STAT1: variants seen among roughly 807,000 people sequenced by gnomAD.
STAT1 encodes signal transducer and activator of transcription 1-alpha/beta.
A neutral mutation model predicts 111.7 loss-of-function variants in STAT1; 24 were observed. That is an observed-to-expected ratio of 0.21 (90% CI 0.16 to 0.30). The LOEUF (loss-of-function observed/expected upper bound fraction) is 0.30. STAT1 is among the 10% of genes least tolerant of loss of function. The probability of loss-of-function intolerance (pLI) is 1.00; values close to 1 mark genes in which losing one functional copy is unlikely to be tolerated. For synonymous variants in STAT1, 332 were observed against 326.5 expected (o/e 1.02, Z -0.18); for missense variants, 351 against 911.9 (o/e 0.38, Z 7.92).
At chr2:191,011,787 T>C (rs1695142882) in intron 2 of STAT1, among the ~76,000 whole-genome samples, 2 of 152,150 alleles carry the variant, frequency 1.3e-5, no homozygotes, top group Non-Finnish European at 2.9e-5. Context: ...CGTGAAGAGA[T>C]GCCTTCTGCC....
rs1694033766 is a variant in STAT1 at position 190,998,682 on chromosome 2, A to AAAAAAAAAAC, written c.542-384_542-375dup. Among the ~76,000 whole-genome samples the AAAAAAAAAAC allele has an allele frequency of 7.0e-6, 1 of 143,006 alleles. No individual in the cohort carries two copies. The highest frequency in any genetic ancestry group is 2.5e-5 in the African/African-American group (1 of 39,670). The allele number at this position is 143,006 out of a possible 152,430, so 93.8% of individuals were successfully genotyped here. Reference sequence around the variant, plus strand: ...GTCTCCAAAAAAAAACAAAAAAAACAAAAAAAAAACAAAAAAAACTTGTTT... The same window carrying AAAAAAAAAAC: ...GTCTCCAAAAAAAAACAAAAAAAACAAAAAAAAAACAAAAAAAAACAAAAAAAACTTGTTT... On this transcript the variant is annotated intron_variant, in intron 7 of 24. Transcript: ENST00000361099. The surrounding 1 kb of genome is among the most constrained non-coding windows in gnomAD (Gnocchi z 4.1).
rs1693125529 is a variant in STAT1 at position 190,989,267 on chromosome 2, T to C, written c.1097+348A>G. On this transcript the variant is annotated intron_variant, in intron 12 of 24. Transcript: ENST00000361099. This position sits in a 1 kb window ranked among gnomAD's most constrained non-coding sequence, Gnocchi z 5.0. Reference sequence around the variant, plus strand: ...GAGACTTGCTGATTACAATCTCATATGCACAAAGAGACACTCACTCTTTTG... The same window carrying C: ...GAGACTTGCTGATTACAATCTCATACGCACAAAGAGACACTCACTCTTTTG... 6.6e-6 allele frequency among the ~76,000 whole-genome samples: 1 copy of C among 152,232 alleles called. No individual in the cohort carries two copies. The highest frequency in any genetic ancestry group is 1.5e-5 in the Non-Finnish European group (1 of 68,042).
rs1182455160 is a variant in STAT1, at chr2:190,977,133, C to T, written c.1874-108G>A. On this transcript the variant is annotated intron_variant, in intron 21 of 24. Coordinates refer to ENST00000361099, the MANE Select transcript of STAT1 (RefSeq NM_007315.4). This position sits in a 1 kb window ranked among gnomAD's most constrained non-coding sequence, Gnocchi z 4.7. ...TGGATTTGAGTGAACCTCATAAGAA[C>T]TAATCACAATCTAAGCATTATAACA... is the stretch of plus-strand genomic sequence containing the variant. The T allele has an allele frequency of 1.9e-6, 2 of 1,046,204 alleles. No homozygotes were observed. The highest frequency in any genetic ancestry group is 3.2e-5 in the African/African-American group (2 of 63,122). 64.8% of individuals were successfully genotyped at this position (1,046,204 alleles called of 1,614,324 possible). A position where few individuals can be genotyped will look rare whatever the true frequency, so the allele number is the denominator to read the frequency against.
chr2:190,993,271 G>A lies in STAT1; in HGVS notation c.944+1790C>T. On this transcript the variant is annotated intron_variant, in intron 10 of 24. Coordinates refer to ENST00000361099, the MANE Select transcript of STAT1 (RefSeq NM_007315.4). The surrounding 1 kb of genome is among the most constrained non-coding windows in gnomAD (Gnocchi z 4.1). Reference sequence around the variant, plus strand: ...TCTGCAGTCACTGTTTAATATTATTGAAGGACTCCTGATCTGTCACATCAT... The same window carrying A: ...TCTGCAGTCACTGTTTAATATTATTAAAGGACTCCTGATCTGTCACATCAT... 1.6e-6 allele frequency: 1 copy of A among 618,310 alleles called. No homozygotes were observed. The allele number at this position is 618,310 out of a possible 1,614,324, so 38.3% of individuals were successfully genotyped here.
intron 2 of STAT1, among the ~76,000 whole-genome samples, chr2:191,010,602 A>G (rs1488762054): frequency 6.6e-6 from 1 of 152,158 alleles, no homozygotes; most frequent in African/African-American, 2.4e-5. Flanking sequence ...TCTCCTACAA[A>G]TCACAGTACA....
Position 190,995,010 on chromosome 2 carries a change from C to G in STAT1, c.944+51G>C. ...TCATCTGAATTAACGGTAAAATGTT[C>G]CTCTGTATAGACCGATTACAGAAGG... On this transcript the variant is annotated intron_variant, in intron 10 of 24. Coordinates refer to ENST00000361099, the MANE Select transcript of STAT1 (RefSeq NM_007315.4). This position sits in a 1 kb window ranked among gnomAD's most constrained non-coding sequence, Gnocchi z 4.2. The G allele has an allele frequency of 6.4e-7, 1 of 1,558,188 alleles. No homozygotes were observed. The highest frequency in any genetic ancestry group is 8.8e-7 in the Non-Finnish European group (1 of 1,135,964).
At position 190,997,809 on chromosome 2, in the gene STAT1, T is replaced by C. The variant is rs909675560; in HGVS notation, c.785+47A>G. 4.3e-6 allele frequency: 7 copies of C among 1,613,306 alleles called. No homozygotes were observed. The highest frequency in any genetic ancestry group is 4.0e-5 in the African/African-American group (3 of 74,940). ...GCTCAAAGGTACATTTATGTGTTTA[T>C]GTGGTTAGCCAGTCAGCTGCCAGTT... On this transcript the variant is annotated intron_variant, in intron 9 of 24. Transcript: ENST00000361099. The surrounding 1 kb of genome is among the most constrained non-coding windows in gnomAD (Gnocchi z 7.3).
chr2:190,976,857 T>G lies in STAT1; in HGVS notation c.2042A>C (p.Tyr681Ser). 2 of 1,614,156 alleles carry G rather than the reference T, an allele frequency of 1.2e-6. No individual in the cohort carries two copies. The change falls in exon 22 of 25, where the codon TAC (tyrosine) becomes TCC (serine). Residue 681 changes from tyrosine to serine, a missense_variant. This residue lies in a region of STAT1 where 181 missense variants were observed against 426.1 expected (regional missense o/e 0.42). Transcript: ENST00000361099. This position sits in a 1 kb window ranked among gnomAD's most constrained non-coding sequence, Gnocchi z 6.0. The part of the protein sequence containing the change: ...IDKDHAFGKY[Y>S]SRPKEAPEPM... ...CCACTTACCTTCCTTTGGCCTGGAG[T>G]AATACTTTCCAAAGGCATGGTCTTT...
At position 190,990,702 on chromosome 2, in the gene STAT1, T is replaced by C. The variant is rs1693250826; in HGVS notation, c.1037+526A>G. Among the ~76,000 whole-genome samples the C allele has an allele frequency of 6.6e-6, 1 of 152,212 alleles. No individual in the cohort carries two copies. Among genetic ancestry groups the C allele is most frequent in the Non-Finnish European group, 1.5e-5 (1 of 68,032 alleles). ...TGTGCGTGTGTGTTTCCGTATGAAA[T>C]ATATATTTGTGTAGACATGGACAAA... On this transcript the variant is annotated intron_variant, in intron 11 of 24. Coordinates refer to ENST00000361099, the MANE Select transcript of STAT1 (RefSeq NM_007315.4). This position sits in a 1 kb window ranked among gnomAD's most constrained non-coding sequence, Gnocchi z 5.1.
chr2:190,985,764 G>A (rs751573999), intron 14 of STAT1, 104 bp from the exon 15 acceptor site: 54 of 1,242,538 alleles, frequency 4.3e-5, no homozygotes, highest in Middle Eastern at 2.0e-4. Context: ...AATGACAGAC[G>A]TGACTTTATC....
chr2:191,009,015 T>G lies in STAT1; in HGVS notation c.221A>C (p.Glu74Ala). 1 of 1,613,890 alleles carries G rather than the reference T, an allele frequency of 6.2e-7. No individual in the cohort carries two copies. The highest frequency in any genetic ancestry group is 8.5e-7 in the Non-Finnish European group (1 of 1,179,898). ...LDDQYSRFSL[E>A]NNFLLQHNIR... ...GTTATGCTGTAGCAAGAAGTTATTC[T>G]CCAAAGAAAAGCGACTATATTGATC... Residue 74 changes from glutamate to alanine, a missense_variant, in exon 4 of 25, where the codon GAG becomes GCG. This residue lies in a region of STAT1 where 44 missense variants were observed against 144.2 expected (regional missense o/e 0.31). Transcript: ENST00000361099.
chr2:190,994,172 G>A (rs542227628), intron 10 of STAT1, among the ~76,000 whole-genome samples: 2 of 152,270 alleles, frequency 1.3e-5, no homozygotes, highest in East Asian at 3.9e-4. Context: ...ATCCTCAGGA[G>A]AGCCACAGAA....
At position 190,975,648 on chromosome 2, in the gene STAT1, G is replaced by A. The variant is rs112071828; in HGVS notation, c.2135+164C>T. On this transcript the variant is annotated intron_variant, in intron 23 of 24. Transcript: ENST00000361099. This position sits in a 1 kb window ranked among gnomAD's most constrained non-coding sequence, Gnocchi z 5.9. ...TGGCTTTTTTTTTTTTTTTAAAGTA[G>A]TAAAATGCTGATAGGCAGTAACACG... 20 of 1,409,712 alleles carry A rather than the reference G, an allele frequency of 1.4e-5. No individual in the cohort carries two copies. The African/African-American group carries it at 1.9e-4, about 14-fold the overall frequency. 87.3% of individuals were successfully genotyped at this position (1,409,712 alleles called of 1,614,324 possible). A position where few individuals can be genotyped will look rare whatever the true frequency, so the allele number is the denominator to read the frequency against.
rs1040768674 is a variant in STAT1 at position 190,978,588 on chromosome 2, T to C, written c.1873+268A>G. ...TGCAGATTACATTGACTCACATCCTTGATCTGCAGATAACAAACCTGATGC... is the reference window on the plus strand; with the variant it reads ...TGCAGATTACATTGACTCACATCCTCGATCTGCAGATAACAAACCTGATGC... On this transcript the variant is annotated intron_variant, in intron 21 of 24. Coordinates refer to ENST00000361099, the MANE Select transcript of STAT1 (RefSeq NM_007315.4). The surrounding 1 kb of genome is among the most constrained non-coding windows in gnomAD (Gnocchi z 6.1). The C allele has an allele frequency of 4.9e-5, 25 of 506,932 alleles. No individual in the cohort carries two copies. In the East Asian group the frequency reaches 8.7e-4, roughly 18 times the overall value. 31.4% of individuals were successfully genotyped at this position (506,932 alleles called of 1,614,324 possible).
rs1691646007 is a variant in STAT1 at position 190,973,309 on chromosome 2, T to C, written c.2238+1521A>G. 6.6e-6 allele frequency among the ~76,000 whole-genome samples: 1 copy of C among 152,208 alleles called. No individual in the cohort carries two copies. The highest frequency in any genetic ancestry group is 1.5e-5 in the Non-Finnish European group (1 of 68,040). ...GTAGATTCAAATATTCTTTCTACCA[T>C]TTACTAACTGCTTGATCTTAGTCAA... On this transcript the variant is annotated intron_variant, in intron 24 of 24. Transcript: ENST00000361099. The surrounding 1 kb of genome is among the most constrained non-coding windows in gnomAD (Gnocchi z 4.4).
chr2:190,987,993 T>G lies in STAT1; in HGVS notation c.1098-925A>C, dbSNP rs1692999497. On this transcript the variant is annotated intron_variant, in intron 12 of 24. Coordinates refer to ENST00000361099, the MANE Select transcript of STAT1 (RefSeq NM_007315.4). The surrounding 1 kb of genome is among the most constrained non-coding windows in gnomAD (Gnocchi z 4.0). ...AGGGCCCGAAGCAGCTGAGAGGAGC[T>G]GAGCTGACGCAGAAGATGGTAAACT... Among the ~76,000 whole-genome samples the G allele has an allele frequency of 6.6e-6, 1 of 152,182 alleles. No homozygotes were observed. Among genetic ancestry groups the G allele is most frequent in the Non-Finnish European group, 1.5e-5 (1 of 68,026 alleles).
rs1019616557 is a variant in STAT1 at position 190,995,030 on chromosome 2, A to G, written c.944+31T>C. On this transcript the variant is annotated intron_variant, in intron 10 of 24. Transcript: ENST00000361099. The surrounding 1 kb of genome is among the most constrained non-coding windows in gnomAD (Gnocchi z 4.2). ...ATGTTCCTCTGTATAGACCGATTACAGAAGGTACAAATAAATGTCCCTTGA... is the reference window on the plus strand; with the variant it reads ...ATGTTCCTCTGTATAGACCGATTACGGAAGGTACAAATAAATGTCCCTTGA... 5.0e-6 allele frequency: 8 copies of G among 1,608,956 alleles called. No individual in the cohort carries two copies. Among genetic ancestry groups the G allele is most frequent in the Non-Finnish European group, 6.8e-6 (8 of 1,176,004 alleles).
At position 190,980,926 on chromosome 2, in the gene STAT1, G is replaced by A. The variant is rs41384750; in HGVS notation, c.1583-257C>T. On this transcript the variant is annotated intron_variant, in intron 18 of 24. Coordinates refer to ENST00000361099, the MANE Select transcript of STAT1 (RefSeq NM_007315.4). The surrounding 1 kb of genome is among the most constrained non-coding windows in gnomAD (Gnocchi z 6.1). Reference sequence around the variant, plus strand: ...AGTTTAATGGCAGAAAGGAATGGATGGCAGATTCCTGGGCACCACGATATG... The same window carrying A: ...AGTTTAATGGCAGAAAGGAATGGATAGCAGATTCCTGGGCACCACGATATG... Among the ~76,000 whole-genome samples the A allele has an allele frequency of 2.5e-3, 385 of 152,300 alleles. 4 individuals carry two copies. The highest frequency in any genetic ancestry group is 9.0e-3 in the African/African-American group (374 of 41,556).
rs1034151660 is a variant in STAT1, at chr2:190,993,878, T to C, written c.944+1183A>G. ...TAAGTGTGTCTAGAGAGCCTACTGTTCACAAGGCACTGCGCTAGGTCCTGC... is the reference window on the plus strand; with the variant it reads ...TAAGTGTGTCTAGAGAGCCTACTGTCCACAAGGCACTGCGCTAGGTCCTGC... On this transcript the variant is annotated intron_variant, in intron 10 of 24. Transcript: ENST00000361099. This position sits in a 1 kb window ranked among gnomAD's most constrained non-coding sequence, Gnocchi z 4.1. Among the ~76,000 whole-genome samples the C allele has an allele frequency of 6.6e-6, 1 of 152,026 alleles. No homozygotes were observed. The highest frequency in any genetic ancestry group is 2.4e-5 in the African/African-American group (1 of 41,360).
Sources: gnomAD v4.1 joint callset for allele counts (sites outside exome capture counted in the v4.1 genomes callset) on GRCh38, gnomAD v4.1.1 for gene constraint, gnomAD v4.1.1 regional missense constraint, Gnocchi (gnomAD v3.1) non-coding constraint, MANE v1.5 for transcripts, NCBI Gene and HGNC (gene_info 2026-07-23, HGNC 2026-07-21) for gene names.